The following ADGRA3 variants were observed in gnomAD, a reference collection of about 807,000 sequenced individuals.
The protein encoded by ADGRA3 is G-protein coupled receptor 125.
Under a neutral mutation model 119.8 loss-of-function variants are expected in ADGRA3, and 56 were observed. The observed-to-expected ratio is 0.47, with a 90% CI of 0.38 to 0.58. ADGRA3 has a LOEUF of 0.58. ADGRA3 is among the 20% of genes least tolerant of loss of function. The probability of loss-of-function intolerance (pLI) is 0.00; values close to 1 mark genes in which losing one functional copy is unlikely to be tolerated. For missense variants in ADGRA3, 1,516 were observed against 1,649.0 expected, an observed-to-expected ratio of 0.92 and a Z score of 1.40; for synonymous variants, 607 against 623.8, an observed-to-expected ratio of 0.97 and a Z score of 0.40.
Position 22,401,535 on chromosome 4 carries a change from T to G in ADGRA3, c.2377A>C (p.Lys793Gln), listed in dbSNP as rs771337983. The stretch of plus-strand genomic sequence containing the variant: ...AAGTTCACAAGCATGTGCCAGCTCT[T>G]GAGGCTGATTCTAATCAAACTGTTT... ...YHHSLIRISL[K>Q]SWHMLVNLCF... Residue 793 changes from lysine to glutamine, a missense_variant, in exon 16 of 19, where the codon AAG (lysine) becomes CAG (glutamine). By Grantham distance (53) the Lys-to-Gln change is moderately conservative. This residue lies in a region of ADGRA3 where 1,088 missense variants were observed against 1,107.1 expected (regional missense o/e 0.98). Coordinates refer to ENST00000334304, the MANE Select transcript of ADGRA3 (RefSeq NM_145290.4). The G allele has an allele frequency of 1.2e-6, 2 of 1,606,656 alleles. No homozygotes were observed. Among genetic ancestry groups the G allele is most frequent in the East Asian group, 2.2e-5 (1 of 44,698 alleles).
At chr4:22,458,817 C>G (rs889345357) in intron 3 of ADGRA3, among the ~76,000 whole-genome samples, 1 of 152,106 alleles carries the variant, frequency 6.6e-6, no homozygotes, top group African/African-American at 2.4e-5. Context: ...CATTAAAAGT[C>G]TTCACTAGAA....
intron 12 of ADGRA3, among the ~76,000 whole-genome samples, chr4:22,418,382 G>A (rs1183942361): frequency 1.3e-5 from 2 of 152,168 alleles, no homozygotes; most frequent in South Asian, 4.1e-4. Flanking sequence ...AGGAGACAAG[G>A]GTGGGAGTGG....
intron 14 of ADGRA3, among the ~76,000 whole-genome samples, chr4:22,406,362 C>T (rs190248552): frequency 2.6e-4 from 40 of 152,232 alleles, no homozygotes; most frequent in African/African-American, 7.7e-4. Flanking sequence ...CTGGATCATA[C>T]GGTAGCTCTA....
rs1560291561 is a variant in ADGRA3, at chr4:22,389,144, GCAAA to G, written c.2663_2666del (p.Val888AlafsTer3). On this transcript the variant is annotated frameshift_variant, in exon 18 of 19. Transcript: ENST00000334304. LOFTEE classifies it high-confidence loss of function. Reference sequence around the variant, plus strand: ...TAATGTTCGCTGCTGCAGTTATGCCGCAAACAATGATGGGGATACCACCACCAAT... The same window carrying G: ...TAATGTTCGCTGCTGCAGTTATGCCGCAATGATGGGGATACCACCACCAAT... The G allele has an allele frequency of 6.2e-7, 1 of 1,613,804 alleles. No homozygotes were observed. The highest frequency in any genetic ancestry group is 8.5e-7 in the Non-Finnish European group (1 of 1,179,792).
chr4:22,418,045 C>A (rs973195980), intron 12 of ADGRA3, among the ~76,000 whole-genome samples: 1 of 152,148 alleles, frequency 6.6e-6, no homozygotes, highest in Non-Finnish European at 1.5e-5. Context: ...CCAAAGCCCT[C>A]AGTAAAAGTA....
chr4:22,418,422 T>C (rs1715514525), intron 12 of ADGRA3, among the ~76,000 whole-genome samples: 1 of 152,114 alleles, frequency 6.6e-6, no homozygotes, highest in Non-Finnish European at 1.5e-5. Context: ...CAAAATTTCT[T>C]GGAGTGACAT....
intron 16 of ADGRA3, 83 bp downstream of exon 16, chr4:22,401,348 A>T (rs1416432267): frequency 8.0e-7 from 1 of 1,243,722 alleles, no homozygotes; most frequent in Non-Finnish European, 1.1e-6. Flanking sequence ...GGTATTAAAG[A>T]ATGATTTTTT....
intron 1 of ADGRA3, among the ~76,000 whole-genome samples, chr4:22,483,802 T>C (rs1718328300): frequency 6.6e-6 from 1 of 152,192 alleles, no homozygotes. Context: ...AGATTGCATA[T>C]GCTACGACAG....
chr4:22,409,436 A>C (rs1715096085), intron 14 of ADGRA3, among the ~76,000 whole-genome samples: 1 of 152,202 alleles, frequency 6.6e-6, no homozygotes, highest in Non-Finnish European at 1.5e-5. Context: ...TAGCAGAGGG[A>C]TTATTAACAC....
chr4:22,456,258 A>G (rs1316191014), intron 3 of ADGRA3, among the ~76,000 whole-genome samples: 1 of 152,118 alleles, frequency 6.6e-6, no homozygotes, highest in Non-Finnish European at 1.5e-5. Flanking sequence ...CTGGATTGAG[A>G]GGCCTCAATG....
At chr4:22,484,867 G>A (rs967899745) in intron 1 of ADGRA3, among the ~76,000 whole-genome samples, 9 of 151,586 alleles carry the variant, frequency 5.9e-5, no homozygotes, top group African/African-American at 2.2e-4. Flanking sequence ...GAATTGTTTA[G>A]GCTGCCTTTT....
chr4:22,493,976 G>T (rs1472744099), intron 1 of ADGRA3, among the ~76,000 whole-genome samples: 2 of 152,002 alleles, frequency 1.3e-5, no homozygotes, highest in Non-Finnish European at 2.9e-5. Flanking sequence ...AGGCCGAGGC[G>T]GGTGGATCAC....
chr4:22,493,748 G>C (rs1718710243), intron 1 of ADGRA3, among the ~76,000 whole-genome samples: 1 of 152,204 alleles, frequency 6.6e-6, no homozygotes, highest in South Asian at 2.1e-4. Flanking sequence ...TAGGCAAAAT[G>C]AGGCTAAGAC....
chr4:22,459,165 T>G (rs1007671821), intron 3 of ADGRA3, among the ~76,000 whole-genome samples: 1 of 152,146 alleles, frequency 6.6e-6, no homozygotes, highest in Non-Finnish European at 1.5e-5. Flanking sequence ...AAAAATCTTT[T>G]GCAAAAAAGA....
chr4:22,497,725 G>A (rs184312589), intron 1 of ADGRA3, among the ~76,000 whole-genome samples: 12 of 135,230 alleles, frequency 8.9e-5, no homozygotes, highest in African/African-American at 2.3e-4. Flanking sequence ...TGAGGCGTAC[G>A]TTACAGTGAG....
intron 17 of ADGRA3, among the ~76,000 whole-genome samples, chr4:22,390,725 G>A (rs1334939574): frequency 6.6e-6 from 1 of 151,852 alleles, no homozygotes; most frequent in East Asian, 1.9e-4. Context: ...CAGGGCTAGA[G>A]GGCGGAGCTT....
At chr4:22,416,442 C>G (rs966623773) in intron 12 of ADGRA3, among the ~76,000 whole-genome samples, 3 of 152,176 alleles carry the variant, frequency 2.0e-5, no homozygotes, top group African/African-American at 7.2e-5. Flanking sequence ...TCCAGCCTCA[C>G]CACTTAGCAG....
chr4:22,473,604 T>C (rs1717931855), intron 2 of ADGRA3, among the ~76,000 whole-genome samples, 168 bp downstream of exon 2: 1 of 152,218 alleles, frequency 6.6e-6, no homozygotes, highest in Non-Finnish European at 1.5e-5. Context: ...AGAATTTAGT[T>C]ACTTCTTTTT....
At position 22,387,490 on chromosome 4, in the gene ADGRA3, G is replaced by C; in HGVS notation, c.*215C>G. The C allele has an allele frequency of 2.2e-6, 1 of 461,078 alleles. No individual in the cohort carries two copies. Among genetic ancestry groups the C allele is most frequent in the African/African-American group, 2.0e-5 (1 of 50,636 alleles). The allele number at this position is 461,078 out of a possible 1,614,324, so 28.6% of individuals were successfully genotyped here. A position where few individuals can be genotyped will look rare whatever the true frequency, so the allele number is the denominator to read the frequency against. On this transcript the variant is annotated 3_prime_UTR_variant, in exon 19 of 19. Transcript: ENST00000334304. ...TCCCAAAATGTCCTGTTGGTGCTTT[G>C]ACAACTAAAACAATGTTTTAGAAAG...
Sources: gnomAD v4.1 joint callset for allele counts (sites outside exome capture counted in the v4.1 genomes callset) on GRCh38, gnomAD v4.1.1 for gene constraint, gnomAD v4.1.1 regional missense constraint, MANE v1.5 for transcripts, NCBI Gene and HGNC (gene_info 2026-07-23, HGNC 2026-07-21) for gene names.